PLEKHA8: variants seen among roughly 807,000 people sequenced by gnomAD.
PLEKHA8 encodes the protein pleckstrin homology domain-containing family A member 8.
Under a neutral mutation model 68.2 loss-of-function variants are expected in PLEKHA8, and 36 were observed. The observed-to-expected ratio is 0.53, with a 90% CI of 0.40 to 0.70. The LOEUF is 0.70. Ranked by LOEUF, PLEKHA8 falls within the 30% of genes least tolerant of loss-of-function variation. The probability of loss-of-function intolerance (pLI) is 0.00; values close to 1 mark genes in which losing one functional copy is unlikely to be tolerated. For missense variants in PLEKHA8, 505 were observed against 615.4 expected, an observed-to-expected ratio of 0.82 and a Z score of 1.90; for synonymous variants, 211 against 216.1, an observed-to-expected ratio of 0.98 and a Z score of 0.20.
In PLEKHA8 at chr7:30,080,413, T is replaced by G; in HGVS notation, c.*1626T>G. ...TAGTTATCCAGGGTAGAAGGTCCTT[T>G]GAGGGGCTTGGTTGAATTGAGAGCA... On this transcript the variant is annotated 3_prime_UTR_variant, in exon 14 of 14. Transcript: ENST00000449726. 4.1e-6 allele frequency: 4 copies of G among 985,230 alleles called. No homozygotes were observed. Among genetic ancestry groups the G allele is most frequent in the Non-Finnish European group, 4.8e-6 (4 of 829,882 alleles). The allele number at this position is 985,230 out of a possible 1,614,324, so 61.0% of individuals were successfully genotyped here. A position where few individuals can be genotyped will look rare whatever the true frequency, so the allele number is the denominator to read the frequency against.
intron 9 of PLEKHA8, among the ~76,000 whole-genome samples, chr7:30,057,458 TC>T (rs1048056301): frequency 3.3e-5 from 5 of 151,682 alleles, no homozygotes; most frequent in Non-Finnish European, 7.4e-5. Flanking sequence ...AGTTTGGGAC[TC>T]TTTTTTTTTT....
At chr7:30,037,439 C>A (rs939949988) in intron 1 of PLEKHA8, among the ~76,000 whole-genome samples, 1 of 152,102 alleles carries the variant, frequency 6.6e-6, no homozygotes, top group Non-Finnish European at 1.5e-5. Flanking sequence ...CTGTACCTGG[C>A]AGTTACTATC....
intron 1 of PLEKHA8, among the ~76,000 whole-genome samples, chr7:30,036,036 G>A (rs1280373727): frequency 1.3e-5 from 2 of 152,006 alleles, no homozygotes; most frequent in Non-Finnish European, 2.9e-5. Context: ...TGGGCAGATC[G>A]CTTGAGGCCA....
At chr7:30,086,615 C>G (rs1329681401), downstream of PLEKHA8, among the ~76,000 whole-genome samples, 1 of 152,104 alleles carries the variant, frequency 6.6e-6, no homozygotes, top group African/African-American at 2.4e-5. Context: ...ATGCCACTTG[C>G]TATTACTCCA....
At chr7:30,099,847 G>C (rs950903197) in intron 13 of PLEKHA8, among the ~76,000 whole-genome samples, 7 of 152,180 alleles carry the variant, frequency 4.6e-5, no homozygotes, top group Non-Finnish European at 1.5e-5. Flanking sequence ...AACAAAGCTA[G>C]TTATTCATTT....
intron 12 of PLEKHA8, 86 bp from the exon 13 acceptor site, chr7:30,073,985 C>CT (rs1794437165): frequency 2.0e-5 from 23 of 1,144,100 alleles, no homozygotes; most frequent in South Asian, 4.4e-5. Context: ...GACCCTGTCT[C>CT]TTTAAAAAAA....
chr7:30,100,505 C>G (rs1412089564), intron 13 of PLEKHA8, among the ~76,000 whole-genome samples: 1 of 152,024 alleles, frequency 6.6e-6, no homozygotes, highest in African/African-American at 2.4e-5. Context: ...GGAGCAAGAT[C>G]ACACCACTGC....
intron 13 of PLEKHA8, among the ~76,000 whole-genome samples, chr7:30,113,093 CATT>C (rs141109383): frequency 1.2e-4 from 19 of 152,250 alleles, no homozygotes; most frequent in Admixed American, 2.0e-4. Flanking sequence ...TCATCATCAT[CATT>C]ACTATTAGCA....
chr7:30,114,941 G>A (rs1796380682), intron 13 of PLEKHA8, among the ~76,000 whole-genome samples: 1 of 152,236 alleles, frequency 6.6e-6, no homozygotes, highest in Admixed American at 6.5e-5. Flanking sequence ...CCAGACAGAG[G>A]CATATAAATT....
chr7:30,060,386 C>T (rs937974811), intron 9 of PLEKHA8, among the ~76,000 whole-genome samples: 1 of 151,340 alleles, frequency 6.6e-6, no homozygotes, highest in Non-Finnish European at 1.5e-5. Flanking sequence ...TGCAGTGAGC[C>T]GAGATCATGC....
chr7:30,082,228 G>A lies in PLEKHA8; in HGVS notation c.*3441G>A, dbSNP rs549938728. ...CCCCCAATGTCATATTCCATGATGA[G>A]GGATTTCTGAACTCCATAGTCCAGC... is the stretch of plus-strand genomic sequence containing the variant. On this transcript the variant is annotated 3_prime_UTR_variant, in exon 14 of 14. Coordinates refer to ENST00000449726, the MANE Select transcript of PLEKHA8 (RefSeq NM_001197026.2). 1 of 985,366 alleles carries A rather than the reference G, an allele frequency of 1.0e-6. No homozygotes were observed. Among genetic ancestry groups the A allele is most frequent in the South Asian group, 4.7e-5 (1 of 21,286 alleles). The allele number at this position is 985,366 out of a possible 1,614,324, so 61.0% of individuals were successfully genotyped here.
intron 13 of PLEKHA8, among the ~76,000 whole-genome samples, chr7:30,127,676 T>G (rs1325436260): frequency 1.3e-5 from 2 of 152,206 alleles, no homozygotes; most frequent in Non-Finnish European, 2.9e-5. Flanking sequence ...ATAAATGATG[T>G]GCCTTTCATT....
At chr7:30,088,561 A>G (rs1394208009), downstream of PLEKHA8, among the ~76,000 whole-genome samples, 1 of 152,196 alleles carries the variant, frequency 6.6e-6, no homozygotes, top group East Asian at 1.9e-4. Flanking sequence ...GGGATCTTTT[A>G]GGATAAATAT....
In PLEKHA8 at chr7:30,083,051, T is replaced by G; in HGVS notation, c.*4264T>G. On this transcript the variant is annotated 3_prime_UTR_variant, in exon 14 of 14. Transcript: ENST00000449726. ...CTTTTTTTAAGATAATCTATCAACC[T>G]TTTTTAAATTTTAAAATTTTTAGAT... 1 of 981,030 alleles carries G rather than the reference T, an allele frequency of 1.0e-6. No individual in the cohort carries two copies. The highest frequency in any genetic ancestry group is 1.7e-5 in the African/African-American group (1 of 57,250). 60.8% of individuals were successfully genotyped at this position (981,030 alleles called of 1,614,324 possible).
At chr7:30,112,880 A>G (rs1357545856) in intron 13 of PLEKHA8, among the ~76,000 whole-genome samples, 1 of 151,746 alleles carries the variant, frequency 6.6e-6, no homozygotes, top group Non-Finnish European at 1.5e-5. Context: ...AGTTGGGGCA[A>G]CAGAATGAAA....
At chr7:30,071,837 T>G (rs1794258088) in intron 12 of PLEKHA8, 1 of 152,262 alleles carries the variant, frequency 6.6e-6, no homozygotes, top group African/African-American at 2.4e-5. Flanking sequence ...CATGGACCTG[T>G]ACACCCTCTT....
chr7:30,037,926 C>G (rs1365519647), intron 1 of PLEKHA8, among the ~76,000 whole-genome samples: 6 of 152,032 alleles, frequency 3.9e-5, no homozygotes, highest in African/African-American at 1.4e-4. Flanking sequence ...ATTAATTTTT[C>G]CTGATCCTCT....
At position 30,083,504 on chromosome 7, in the gene PLEKHA8, G is replaced by A; in HGVS notation, c.*4717G>A. On this transcript the variant is annotated 3_prime_UTR_variant, in exon 14 of 14. Transcript: ENST00000449726. ...ATAGTCCTGTGTACAGTGACTATTT[G>A]CATGATTTCTCATTGCACTGCTGCA... is the stretch of plus-strand genomic sequence containing the variant. The A allele has an allele frequency of 2.0e-6, 2 of 985,206 alleles. No individual in the cohort carries two copies. Among genetic ancestry groups the A allele is most frequent in the Non-Finnish European group, 2.4e-6 (2 of 829,828 alleles). 61.0% of individuals were successfully genotyped at this position (985,206 alleles called of 1,614,324 possible).
intron 6 of PLEKHA8, chr7:30,050,692 C>CA: frequency 2.1e-6 from 1 of 467,786 alleles, no homozygotes; most frequent in Non-Finnish European, 3.5e-6. Flanking sequence ...TGGCATTTTC[C>CA]CTAAGATGGA....
Sources: gnomAD v4.1 joint callset for allele counts (sites outside exome capture counted in the v4.1 genomes callset) on GRCh38, gnomAD v4.1.1 for gene constraint, MANE v1.5 for transcripts, NCBI Gene and HGNC (gene_info 2026-07-23, HGNC 2026-07-21) for gene names.